The following NCAM1 variants were observed in gnomAD, a reference collection of about 807,000 sequenced individuals.
The protein encoded by NCAM1 is antigen recognized by monoclonal antibody 5.1H11.
A neutral mutation model predicts 109.8 loss-of-function variants in NCAM1; 14 were observed. That is an observed-to-expected ratio of 0.13 (90% CI 0.08 to 0.20). The LOEUF is 0.20. Among genes scored for constraint, NCAM1 ranks in the 10% least tolerant of loss-of-function variants. The probability of loss-of-function intolerance (pLI) is 1.00; values close to 1 mark genes in which losing one functional copy is unlikely to be tolerated. For synonymous variants in NCAM1, 418 were observed against 442.9 expected (o/e 0.94, Z 0.70); for missense variants, 774 against 1,109.9 (o/e 0.70, Z 4.30).
chr11:112,982,768 T>C (rs1951187368), intron 1 of NCAM1, among the ~76,000 whole-genome samples: 1 of 151,640 alleles, frequency 6.6e-6, no homozygotes, highest in Admixed American at 6.6e-5. Context: ...AAGGGGAAAA[T>C]AGGGACTTTT....
rs532505136 is a variant in NCAM1 at position 113,168,447 on chromosome 11, A to G, written c.53-33932A>G. ...TAGCTTGCACGGTCGTGACTAGCTC[A>G]GTTCTGAAGTTCAACACATTTCCAC... is the stretch of plus-strand genomic sequence containing the variant. On this transcript the variant is annotated intron_variant, in intron 1 of 19. Transcript: ENST00000316851. 7.9e-5 allele frequency among the ~76,000 whole-genome samples: 12 copies of G among 152,300 alleles called. No individual in the cohort carries two copies. In the South Asian group the frequency reaches 2.5e-3, roughly 32 times the overall value.
At chr11:112,961,914 C>T (rs1950575021) in intron 1 of NCAM1, among the ~76,000 whole-genome samples, 1 of 152,214 alleles carries the variant, frequency 6.6e-6, no homozygotes, top group Admixed American at 6.5e-5. Context: ...CCGCCCTTCC[C>T]ACTTTGTGCG....
intron 1 of NCAM1, among the ~76,000 whole-genome samples, chr11:113,195,877 A>T (rs1943840264): frequency 6.6e-6 from 1 of 150,528 alleles, no homozygotes; most frequent in African/African-American, 2.5e-5. Context: ...CATTCTCATT[A>T]CATGTGTCAT....
intron 1 of NCAM1, among the ~76,000 whole-genome samples, chr11:113,013,370 T>A (rs941922797): frequency 1.5e-5 from 2 of 136,656 alleles, no homozygotes; most frequent in Non-Finnish European, 3.0e-5. Flanking sequence ...AGGGTTGCAG[T>A]GAGCTGAGAT....
At chr11:113,220,844 C>T (rs1471390647) in intron 8 of NCAM1, among the ~76,000 whole-genome samples, 3 of 151,970 alleles carry the variant, frequency 2.0e-5, no homozygotes, top group East Asian at 1.9e-4. Flanking sequence ...CTCCTGACCT[C>T]GTGATCTGCC....
intron 1 of NCAM1, among the ~76,000 whole-genome samples, chr11:113,078,584 G>A (rs559602004): frequency 2.1e-4 from 32 of 152,184 alleles, no homozygotes; most frequent in African/African-American, 7.7e-4. Flanking sequence ...GGAGGGTAGT[G>A]ATGAAAGAAG....
At chr11:112,983,838 G>A (rs982091886) in intron 1 of NCAM1, among the ~76,000 whole-genome samples, 2 of 151,858 alleles carry the variant, frequency 1.3e-5, no homozygotes, top group South Asian at 2.1e-4. Context: ...CTATAGTCAA[G>A]CAAATTAACA....
chr11:113,232,118 G>T, intron 10 of NCAM1, 52 bp from the exon 11 acceptor site: 1 of 1,496,236 alleles, frequency 6.7e-7, no homozygotes, highest in South Asian at 1.3e-5. Flanking sequence ...ACAGGATATG[G>T]GGGCTTCATA....
At chr11:113,259,694 T>C (rs970661857) in intron 16 of NCAM1, among the ~76,000 whole-genome samples, 1 of 148,556 alleles carries the variant, frequency 6.7e-6, no homozygotes, top group Non-Finnish European at 1.5e-5. Context: ...CCATGTCCCA[T>C]CATTGCTTTT....
At chr11:113,122,088 C>T (rs1028926339) in intron 1 of NCAM1, among the ~76,000 whole-genome samples, 5 of 152,320 alleles carry the variant, frequency 3.3e-5, no homozygotes, top group East Asian at 1.9e-4. Context: ...TGCCCTTACA[C>T]ATCTCTCTAA....
At chr11:113,170,851 A>C (rs1942965715) in intron 1 of NCAM1, among the ~76,000 whole-genome samples, 1 of 152,232 alleles carries the variant, frequency 6.6e-6, no homozygotes, top group African/African-American at 2.4e-5. Flanking sequence ...AATACCGCTA[A>C]AAGCTAATTG....
At chr11:113,046,678 A>T (rs1953278079) in intron 1 of NCAM1, among the ~76,000 whole-genome samples, 1 of 152,192 alleles carries the variant, frequency 6.6e-6, no homozygotes, top group Non-Finnish European at 1.5e-5. Flanking sequence ...GGATAGCGAG[A>T]TGGATGAACA....
chr11:113,080,898 A>G (rs891328444), intron 1 of NCAM1, among the ~76,000 whole-genome samples: 3 of 152,180 alleles, frequency 2.0e-5, no homozygotes, highest in African/African-American at 7.2e-5. Flanking sequence ...TGTTTTGCAT[A>G]TTGCTAGGAT....
At chr11:113,070,601 G>A (rs1938216615) in intron 1 of NCAM1, among the ~76,000 whole-genome samples, 1 of 152,166 alleles carries the variant, frequency 6.6e-6, no homozygotes, top group Admixed American at 6.5e-5. Flanking sequence ...AAGGGTACAA[G>A]TGGGAGAAGT....
chr11:113,141,463 C>G (rs118022181), intron 1 of NCAM1, among the ~76,000 whole-genome samples: 3,957 of 152,244 alleles, frequency 0.026, 81 homozygotes, highest in Non-Finnish European at 0.042. Flanking sequence ...AACCCTGTCT[C>G]TAGTAAAAAT....
intron 1 of NCAM1, among the ~76,000 whole-genome samples, chr11:112,979,636 A>G (rs1555068374): frequency 6.6e-6 from 1 of 151,798 alleles, no homozygotes; most frequent in East Asian, 1.9e-4. Context: ...GGAAAACCCA[A>G]TCTGTTTTGG....
At chr11:113,116,353 G>T (rs1211207879) in intron 1 of NCAM1, among the ~76,000 whole-genome samples, 1 of 152,126 alleles carries the variant, frequency 6.6e-6, no homozygotes, top group African/African-American at 2.4e-5. Context: ...GAAAGAGAAG[G>T]GTGGTGGACT....
chr11:113,135,170 A>T (rs1555099151), intron 1 of NCAM1, among the ~76,000 whole-genome samples: 1 of 152,154 alleles, frequency 6.6e-6, no homozygotes, highest in Non-Finnish European at 1.5e-5. Context: ...AGCTTGTGGC[A>T]ACCCATGTGC....
At chr11:113,122,138 A>T (rs907569267) in intron 1 of NCAM1, among the ~76,000 whole-genome samples, 1 of 152,188 alleles carries the variant, frequency 6.6e-6, no homozygotes, top group Non-Finnish European at 1.5e-5. Flanking sequence ...TTGCCTTCAG[A>T]TCCCATCCCC....
Sources: gnomAD v4.1 joint callset for allele counts (sites outside exome capture counted in the v4.1 genomes callset) on GRCh38, gnomAD v4.1.1 for gene constraint, MANE v1.5 for transcripts, NCBI Gene and HGNC (gene_info 2026-07-23, HGNC 2026-07-21) for gene names.